TECPR2: variants seen among roughly 807,000 people sequenced by gnomAD.
The protein encoded by TECPR2 is tectonin beta-propeller repeat containing 2.
A neutral mutation model predicts 138.1 loss-of-function variants in TECPR2; 65 were observed. The ratio of observed to expected loss-of-function variants is 0.47; its 90% CI spans 0.39 to 0.58. The LOEUF is 0.58. TECPR2 is among the 20% of genes least tolerant of loss of function. The probability of loss-of-function intolerance (pLI) is 0.00; values close to 1 mark genes in which losing one functional copy is unlikely to be tolerated. For synonymous variants in TECPR2, 746 were observed against 749.8 expected (o/e 0.99, Z 0.08); for missense variants, 1,553 against 1,824.5 (o/e 0.85, Z 2.71).
chr14:102,411,859 T>C (rs965061042), intron 4 of TECPR2, among the ~76,000 whole-genome samples: 5 of 152,086 alleles, frequency 3.3e-5, no homozygotes, highest in Non-Finnish European at 7.4e-5. Context: ...CCTTTTCAGA[T>C]AGTTGTGGAC....
Position 102,408,614 on chromosome 14 carries a change from G to T in TECPR2, c.475G>T (p.Asp159Tyr). 6.2e-7 allele frequency: 1 copy of T among 1,602,710 alleles called. No homozygotes were observed. The highest frequency in any genetic ancestry group is 8.5e-7 in the Non-Finnish European group (1 of 1,177,032). The change falls in exon 4 of 20, where the codon GAC becomes TAC. Residue 159 changes from aspartate to tyrosine, a missense_variant. Asp to Tyr is a radical substitution (Grantham distance 160). Coordinates refer to ENST00000359520, the MANE Select transcript of TECPR2 (RefSeq NM_014844.5). Reference sequence around the variant, plus strand: ...AATTGTTTATTCTTCTCTGGATCTAGACCAGGTAAAATTATTTTCAGAAAT... The same window carrying T: ...AATTGTTTATTCTTCTCTGGATCTATACCAGGTAAAATTATTTTCAGAAAT... The part of the protein sequence containing the change: ...GKIVYSSLDL[D>Y]QGLCNSQLVL...
chr14:102,461,626 G>A (rs1467739558), intron 16 of TECPR2, among the ~76,000 whole-genome samples: 2 of 152,194 alleles, frequency 1.3e-5, no homozygotes, highest in Non-Finnish European at 2.9e-5. Context: ...AGATATCAGC[G>A]ACTTCACACA....
chr14:102,395,025 A>G (rs1306573010), intron 2 of TECPR2, among the ~76,000 whole-genome samples: 1 of 152,158 alleles, frequency 6.6e-6, no homozygotes, highest in Non-Finnish European at 1.5e-5. Flanking sequence ...AAAATCAGAA[A>G]TCTTCAAGGG....
intron 6 of TECPR2, among the ~76,000 whole-genome samples, chr14:102,425,579 G>A (rs958281994): frequency 1.3e-5 from 2 of 151,960 alleles, no homozygotes; most frequent in Non-Finnish European, 2.9e-5. Flanking sequence ...TGTTGTTGTT[G>A]TTGTTGTTGT....
chr14:102,396,994 G>A (rs1296383194), intron 2 of TECPR2, among the ~76,000 whole-genome samples: 2 of 152,210 alleles, frequency 1.3e-5, no homozygotes, highest in African/African-American at 4.8e-5. Context: ...TAATGGTCCT[G>A]CTCCCTTGCT....
At chr14:102,439,102 G>T (rs1264039411) in intron 10 of TECPR2, among the ~76,000 whole-genome samples, 2 of 151,928 alleles carry the variant, frequency 1.3e-5, no homozygotes, top group African/African-American at 4.8e-5. Flanking sequence ...CTGACCTCAT[G>T]ATCCGCCCGC....
At chr14:102,450,138 A>G (rs1890101858) in intron 14 of TECPR2, among the ~76,000 whole-genome samples, 1 of 152,130 alleles carries the variant, frequency 6.6e-6, no homozygotes, top group Non-Finnish European at 1.5e-5. Context: ...GGTCATTTTT[A>G]TGTTAACAAT....
intron 4 of TECPR2, among the ~76,000 whole-genome samples, chr14:102,411,715 A>G (rs1021347769): frequency 7.3e-6 from 1 of 137,212 alleles, no homozygotes; most frequent in African/African-American, 2.7e-5. Flanking sequence ...AAAAAAAAAA[A>G]AAAAAAAAAA....
intron 15 of TECPR2, among the ~76,000 whole-genome samples, chr14:102,451,615 T>C (rs1055229212): frequency 5.9e-5 from 9 of 152,154 alleles, no homozygotes; most frequent in African/African-American, 2.2e-4. Context: ...GGGGAGCGCC[T>C]GGCCCCTCCG....
In TECPR2 at chr14:102,419,744, G is replaced by A. The variant is rs540882931; in HGVS notation, c.638+4951G>A. Among the ~76,000 whole-genome samples, 4 of 152,294 alleles carry A rather than the reference G, an allele frequency of 2.6e-5. No homozygotes were observed. The East Asian group carries it at 5.8e-4, about 22-fold the overall frequency. The stretch of plus-strand genomic sequence containing the variant: ...TCAGAGGCCCTAGCCATCTGCAACC[G>A]TGGGTTTGCTGTCCTGTGTATTTAT... On this transcript the variant is annotated intron_variant, in intron 5 of 19. Transcript: ENST00000359520. This position sits in a 1 kb window ranked among gnomAD's most constrained non-coding sequence, Gnocchi z 4.8.
chr14:102,406,397 AAAG>A (rs1757220210), intron 2 of TECPR2, among the ~76,000 whole-genome samples: 1 of 151,974 alleles, frequency 6.6e-6, no homozygotes, highest in South Asian at 2.1e-4. Flanking sequence ...AAATACAAAA[AAAG>A]CGGGGCGTGG....
At chr14:102,452,655 C>T (rs779024612) in intron 16 of TECPR2, 28 bp downstream of exon 16, 22 of 1,531,606 alleles carry the variant, frequency 1.4e-5, no homozygotes, top group South Asian at 2.4e-5. Flanking sequence ...GTACACCTGC[C>T]GGTGCCCTGA....
At chr14:102,460,255 G>C (rs1173271471) in intron 16 of TECPR2, among the ~76,000 whole-genome samples, 1 of 152,048 alleles carries the variant, frequency 6.6e-6, no homozygotes, top group African/African-American at 2.4e-5. Context: ...TGGTGCCACT[G>C]CACTCCAGCC....
Position 102,431,922 on chromosome 14 carries a change from G to C in TECPR2, c.1211G>C (p.Ser404Thr), listed in dbSNP as rs1889503864. Residue 404 changes from serine to threonine, a missense_variant, in exon 8 of 20, where the codon AGC becomes ACC. Ser to Thr is a moderately conservative substitution (Grantham distance 58). Transcript: ENST00000359520. Reference protein sequence around the residue: ...RGSSMASSVASEPRSRSSSLN... With the variant: ...RGSSMASSVATEPRSRSSSLN... Reference sequence around the variant, plus strand: ...TCTTCCATGGCCAGCTCCGTGGCCAGCGAGCCAAGGAGCAGGAGCAGCTCG... The same window carrying C: ...TCTTCCATGGCCAGCTCCGTGGCCACCGAGCCAAGGAGCAGGAGCAGCTCG... The C allele has an allele frequency of 6.2e-7, 1 of 1,610,810 alleles. No individual in the cohort carries two copies. Among genetic ancestry groups the C allele is most frequent in the Non-Finnish European group, 8.5e-7 (1 of 1,177,832 alleles).
At chr14:102,482,336 A>G (rs1890911011) in intron 17 of TECPR2, among the ~76,000 whole-genome samples, 1 of 152,204 alleles carries the variant, frequency 6.6e-6, no homozygotes, top group Non-Finnish European at 1.5e-5. Flanking sequence ...GATTACAGGC[A>G]TGAGCCACTA....
intron 5 of TECPR2, among the ~76,000 whole-genome samples, chr14:102,418,989 A>G (rs1360525117): frequency 6.6e-6 from 1 of 152,046 alleles, no homozygotes; most frequent in Non-Finnish European, 1.5e-5. Flanking sequence ...TGGCCCCGCC[A>G]TGTCCTCTCC....
intron 6 of TECPR2, among the ~76,000 whole-genome samples, chr14:102,425,882 TG>T (rs1363698337): frequency 1.4e-5 from 2 of 140,530 alleles, no homozygotes; most frequent in Non-Finnish European, 3.1e-5. Context: ...TTTTTTTTTT[TG>T]TTTTTTTTTT....
At position 102,411,699 on chromosome 14, in the gene TECPR2, C is replaced by CAAAAAAAAAAAAAAAAAAAAAAAAAAAA. The variant is rs1173849759; in HGVS notation, c.481-2932_481-2905dup. ...AGGTGAAATAAACAGCCATGTTGCTCAAAAAAAAAAAAAAAAAAAAAAAAA... is the reference window on the plus strand; with the variant it reads ...AGGTGAAATAAACAGCCATGTTGCTCAAAAAAAAAAAAAAAAAAAAAAAAAAAAAAAAAAAAAAAAAAAAAAAAAAAAA... On this transcript the variant is annotated intron_variant, in intron 4 of 19. Coordinates refer to ENST00000359520, the MANE Select transcript of TECPR2 (RefSeq NM_014844.5). Among the ~76,000 whole-genome samples the CAAAAAAAAAAAAAAAAAAAAAAAAAAAA allele has an allele frequency of 8.5e-5, 4 of 46,874 alleles. 1 individual carries two copies. The highest frequency in any genetic ancestry group is 5.1e-4 in the African/African-American group (4 of 7,802). The allele number at this position is 46,874 out of a possible 152,430, so 30.8% of individuals were successfully genotyped here.
rs950011182 is a variant in TECPR2 at position 102,419,985 on chromosome 14, G to T, written c.639-4994G>T. ...GCACATCTGTTTGGATGGCCAGTGG[G>T]TGTTAGCTGTTGAGATCTCTGGCAG... On this transcript the variant is annotated intron_variant, in intron 5 of 19. Transcript: ENST00000359520. The surrounding 1 kb of genome is among the most constrained non-coding windows in gnomAD (Gnocchi z 4.8). Among the ~76,000 whole-genome samples the T allele has an allele frequency of 6.6e-6, 1 of 152,202 alleles. No individual in the cohort carries two copies. Among genetic ancestry groups the T allele is most frequent in the Non-Finnish European group, 1.5e-5 (1 of 68,034 alleles).
Sources: gnomAD v4.1 joint callset for allele counts (sites outside exome capture counted in the v4.1 genomes callset) on GRCh38, gnomAD v4.1.1 for gene constraint, Gnocchi (gnomAD v3.1) non-coding constraint, MANE v1.5 for transcripts, NCBI Gene and HGNC (gene_info 2026-07-23, HGNC 2026-07-21) for gene names.